COX7B2: variants seen among roughly 807,000 people sequenced by gnomAD.
The protein encoded by COX7B2 is cytochrome c oxidase subunit 7B2, mitochondrial.
For missense variants in COX7B2, 109 were observed against 95.9 expected, an observed-to-expected ratio of 1.14 and a Z score of -0.57; for synonymous variants, 37 against 32.1, an observed-to-expected ratio of 1.15 and a Z score of -0.51.
At position 46,875,112 on chromosome 4, in the gene COX7B2, C is replaced by A. The variant is rs147398228; in HGVS notation, c.-104-30098G>T. 2.6e-5 allele frequency among the ~76,000 whole-genome samples: 4 copies of A among 152,244 alleles called. No homozygotes were observed. In the East Asian group the frequency reaches 7.7e-4, roughly 29 times the overall value. On this transcript the variant is annotated intron_variant, in intron 1 of 2. Coordinates refer to ENST00000355591, the MANE Select transcript of COX7B2 (RefSeq NM_130902.3). Reference sequence around the variant, plus strand: ...AACTGCTACCCTACATATAAAGATACCTTCTGCACAAGTATGTGTTTCTAA... The same window carrying A: ...AACTGCTACCCTACATATAAAGATAACTTCTGCACAAGTATGTGTTTCTAA...
At chr4:46,885,704 G>A (rs7683813) in intron 1 of COX7B2, among the ~76,000 whole-genome samples, 36,353 of 151,970 alleles carry the variant, frequency 0.24, 4,565 homozygotes, top group East Asian at 0.29. Context: ...CAGAAACCAG[G>A]TGGGTTTTTT....
At chr4:46,905,810 A>ATATTTTTTTT (rs1720343183) in intron 1 of COX7B2, among the ~76,000 whole-genome samples, 1 of 60,444 alleles carries the variant, frequency 1.7e-5, no homozygotes, top group Admixed American at 1.6e-4. Flanking sequence ...ATAAGCATAT[A>ATATTTTTTTT]TTTCTTTTTT....
At chr4:46,845,941 G>T (rs1577649330) in intron 1 of COX7B2, among the ~76,000 whole-genome samples, 2 of 152,138 alleles carry the variant, frequency 1.3e-5, no homozygotes, top group East Asian at 3.9e-4. Flanking sequence ...CTGACTAGAA[G>T]TAGGTTCTGA....
chr4:46,840,412 A>C (rs1715853150), intron 2 of COX7B2, among the ~76,000 whole-genome samples: 1 of 151,976 alleles, frequency 6.6e-6, no homozygotes, highest in Non-Finnish European at 1.5e-5. Context: ...AGAGGATATT[A>C]TATTAAATAA....
chr4:46,875,518 A>T (rs187298642), intron 1 of COX7B2, among the ~76,000 whole-genome samples: 1 of 152,172 alleles, frequency 6.6e-6, no homozygotes, highest in Non-Finnish European at 1.5e-5. Flanking sequence ...GCACACTATA[A>T]ACATCCTCTA....
At chr4:46,894,049 G>T (rs1284063007) in intron 1 of COX7B2, among the ~76,000 whole-genome samples, 1 of 152,062 alleles carries the variant, frequency 6.6e-6, no homozygotes. Context: ...TCATACTCAT[G>T]AATATGAAGA....
chr4:46,755,662 T>C (rs944736826), intron 2 of COX7B2, among the ~76,000 whole-genome samples: 1 of 152,078 alleles, frequency 6.6e-6, no homozygotes, highest in African/African-American at 2.4e-5. Flanking sequence ...AGTATTTCTA[T>C]ACACGAATAA....
At chr4:46,868,601 G>C (rs959448567) in intron 1 of COX7B2, among the ~76,000 whole-genome samples, 1 of 152,066 alleles carries the variant, frequency 6.6e-6, no homozygotes, top group African/African-American at 2.4e-5. Flanking sequence ...AAAGCCTCTT[G>C]ATTTCTGCCT....
chr4:46,843,503 G>T (rs1005049966), intron 2 of COX7B2, among the ~76,000 whole-genome samples: 12 of 151,866 alleles, frequency 7.9e-5, no homozygotes, highest in Non-Finnish European at 1.5e-4. Flanking sequence ...TACTAAGGCA[G>T]ATTCATTGCT....
intron 2 of COX7B2, among the ~76,000 whole-genome samples, chr4:46,758,265 GAGGTA>G (rs1715917684): frequency 1.4e-5 from 1 of 69,036 alleles, no homozygotes; most frequent in Non-Finnish European, 3.1e-5. Flanking sequence ...ACTTTCTAAT[GAGGTA>G]TAGAGCTAAA....
chr4:46,834,086 T>C (rs1715348624), intron 2 of COX7B2, among the ~76,000 whole-genome samples: 1 of 152,152 alleles, frequency 6.6e-6, no homozygotes, highest in Admixed American at 6.5e-5. Context: ...GTAAGTTATT[T>C]ATGAAGAAAC....
At chr4:46,753,486 G>T (rs1208723281) in intron 2 of COX7B2, among the ~76,000 whole-genome samples, 6 of 151,496 alleles carry the variant, frequency 4.0e-5, no homozygotes, top group Non-Finnish European at 7.4e-5. Flanking sequence ...TTAATAAATG[G>T]TGCTGGGAAA....
At position 46,822,431 on chromosome 4, in the gene COX7B2, C is replaced by A. The variant is rs534953321; in HGVS notation, c.-50+22529G>T. Among the ~76,000 whole-genome samples, 6 of 151,904 alleles carry A rather than the reference C, an allele frequency of 3.9e-5. No individual in the cohort carries two copies. In the South Asian group the frequency reaches 1.2e-3, roughly 32 times the overall value. On this transcript the variant is annotated intron_variant, in intron 2 of 2. Transcript: ENST00000355591. ...TCCAGGTGAGGAGAGGGCTCTGGGG[C>A]ACAGAGGAAGAGAGAAGTATCTATT...
rs35632610 is a variant in COX7B2, at chr4:46,889,899, G to GT, written c.-105+19260dup. On this transcript the variant is annotated intron_variant, in intron 1 of 2. Coordinates refer to ENST00000355591, the MANE Select transcript of COX7B2 (RefSeq NM_130902.3). Reference sequence around the variant, plus strand: ...GAGTACTTTTCTGCATTTCAGTATGGTTTTTTTTTTTTTTCCTAATGTTTC... The same window carrying GT: ...GAGTACTTTTCTGCATTTCAGTATGGTTTTTTTTTTTTTTTCCTAATGTTTC... Among the ~76,000 whole-genome samples, 1,152 of 140,128 alleles carry GT rather than the reference G, an allele frequency of 8.2e-3. 5 individuals are homozygous for GT. Among genetic ancestry groups the GT allele is most frequent in the East Asian group, 0.03 (144 of 4,834 alleles). The allele number at this position is 140,128 out of a possible 152,430, so 91.9% of individuals were successfully genotyped here. A position where few individuals can be genotyped will look rare whatever the true frequency, so the allele number is the denominator to read the frequency against.
chr4:46,905,777 C>G (rs978186789), intron 1 of COX7B2, among the ~76,000 whole-genome samples: 2 of 142,376 alleles, frequency 1.4e-5, no homozygotes, highest in Non-Finnish European at 1.5e-5. Flanking sequence ...CTCTATCTTA[C>G]AAAACAGAGC....
At chr4:46,779,541 C>G (rs1358755875) in intron 2 of COX7B2, among the ~76,000 whole-genome samples, 2 of 151,814 alleles carry the variant, frequency 1.3e-5, no homozygotes, top group Admixed American at 1.3e-4. Flanking sequence ...GGGTATAGAC[C>G]CAGAAGAGAG....
chr4:46,747,406 C>T (rs1435222847), intron 2 of COX7B2, among the ~76,000 whole-genome samples: 3 of 152,124 alleles, frequency 2.0e-5, no homozygotes, highest in South Asian at 2.1e-4. Flanking sequence ...CACGTTCAAG[C>T]GATTCTCCTG....
chr4:46,832,587 C>G (rs189242654), intron 2 of COX7B2, among the ~76,000 whole-genome samples: 34 of 151,964 alleles, frequency 2.2e-4, no homozygotes, highest in Admixed American at 1.2e-3. Context: ...TCTGACCCCT[C>G]CAAATCTCAT....
At chr4:46,775,909 C>G (rs1717129451) in intron 2 of COX7B2, among the ~76,000 whole-genome samples, 1 of 152,092 alleles carries the variant, frequency 6.6e-6, no homozygotes, top group South Asian at 2.1e-4. Context: ...ACTGGTAAGA[C>G]AGTCCCCAAC....
Sources: allele counts gnomAD v4.1 joint callset (sites outside exome capture counted in the v4.1 genomes callset), GRCh38; gene constraint gnomAD v4.1.1; transcripts MANE v1.5; gene names NCBI Gene and HGNC (gene_info 2026-07-23, HGNC 2026-07-21).